The following ANKS1A variants were observed in gnomAD, a reference collection of about 807,000 sequenced individuals.
ANKS1A encodes ankyrin repeat and sterile alpha motif domain containing 1A, also known as ankyrin repeat and SAM domain-containing protein 1A.
Under a neutral mutation model 120.3 loss-of-function variants are expected in ANKS1A, and 55 were observed. The ratio of observed to expected loss-of-function variants is 0.46; its 90% CI spans 0.37 to 0.57. The LOEUF is 0.57. Ranked by LOEUF, ANKS1A falls within the 20% of genes least tolerant of loss-of-function variation. The pLI, the probability that ANKS1A is intolerant of heterozygous loss-of-function variation, is 0.00. For synonymous variants in ANKS1A, 590 were observed against 604.7 expected, an observed-to-expected ratio of 0.98 and a Z score of 0.36; for missense variants, 1,123 against 1,480.3, an observed-to-expected ratio of 0.76 and a Z score of 3.96.
chr6:35,061,059 G>C (rs1016613478), intron 13 of ANKS1A, among the ~76,000 whole-genome samples: 3 of 152,218 alleles, frequency 2.0e-5, no homozygotes, highest in Non-Finnish European at 4.4e-5. Flanking sequence ...AGCGCTTACT[G>C]TGTGCTTGGC....
chr6:35,039,859 C>T (rs12202483), intron 11 of ANKS1A, among the ~76,000 whole-genome samples: 27,623 of 152,194 alleles, frequency 0.18, 2,691 homozygotes, highest in Non-Finnish European at 0.22. Flanking sequence ...ATGTTTATTT[C>T]TCATAGTTCT....
downstream of ANKS1A, chr6:35,091,543 C>CTGTT (rs1347441474): frequency 1.6e-5 from 9 of 566,412 alleles, no homozygotes; most frequent in East Asian, 2.9e-4. Context: ...GACAGCTTGG[C>CTGTT]TGTTTGGCTT....
Position 34,889,346 on chromosome 6 carries a change from C to T in ANKS1A, c.-57C>T. The T allele has an allele frequency of 2.4e-6, 3 of 1,236,754 alleles. No homozygotes were observed. Among genetic ancestry groups the T allele is most frequent in the Non-Finnish European group, 3.0e-6 (3 of 991,042 alleles). 76.6% of individuals were successfully genotyped at this position (1,236,754 alleles called of 1,614,324 possible). On this transcript the variant is annotated 5_prime_UTR_variant, in exon 1 of 24. Transcript: ENST00000360359. This position sits in a 1 kb window ranked among gnomAD's most constrained non-coding sequence, Gnocchi z 5.5. ...GCCCGGAGACGGAAAGTTTGGGAGCCCGAGCAGGCTCGGCTGCAGCCTCGG... is the reference window on the plus strand; with the variant it reads ...GCCCGGAGACGGAAAGTTTGGGAGCTCGAGCAGGCTCGGCTGCAGCCTCGG...
intron 8 of ANKS1A, among the ~76,000 whole-genome samples, chr6:34,988,408 A>T (rs1772324909): frequency 6.6e-6 from 1 of 152,192 alleles, no homozygotes; most frequent in Non-Finnish European, 1.5e-5. Flanking sequence ...CATCCTGGGT[A>T]ACATGGTGAA....
intron 10 of ANKS1A, among the ~76,000 whole-genome samples, chr6:34,997,767 G>A (rs549291383): frequency 6.6e-6 from 1 of 152,308 alleles, no homozygotes; most frequent in East Asian, 1.9e-4. Flanking sequence ...AAGAAAAGTG[G>A]AAAGTTAGAC....
intron 1 of ANKS1A, among the ~76,000 whole-genome samples, chr6:34,931,712 TAGC>T (rs903141001): frequency 2.0e-5 from 3 of 152,128 alleles, no homozygotes; most frequent in African/African-American, 7.2e-5. Flanking sequence ...CCAATTTGTG[TAGC>T]ACTCTTTCCT....
At chr6:35,008,179 CAATT>C (rs1312901033) in intron 10 of ANKS1A, among the ~76,000 whole-genome samples, 9 of 152,134 alleles carry the variant, frequency 5.9e-5, no homozygotes. Flanking sequence ...GACAGTTTGA[CAATT>C]AAGCCTTAAC....
chr6:35,084,161 C>T lies in ANKS1A; in HGVS notation c.3035C>T (p.Ala1012Val), dbSNP rs1444063023. 8.7e-6 allele frequency: 14 copies of T among 1,614,166 alleles called. No individual in the cohort carries two copies. Among genetic ancestry groups the T allele is most frequent in the Non-Finnish European group, 1.1e-5 (13 of 1,180,034 alleles). ...AEHEIRNISC[A>V]AQDPEDLCTF... ...CACGAGATCCGGAACATTTCCTGTG[C>T]GGCCCAGGACCCGGAGGACCTCTGT... The change falls in exon 21 of 24, where the codon GCG becomes GTG. Residue 1012 changes from alanine to valine, a missense_variant. Physicochemically the swap from Ala to Val is moderately conservative, Grantham distance 64. Coordinates refer to ENST00000360359, the MANE Select transcript of ANKS1A (RefSeq NM_015245.3). This position sits in a 1 kb window ranked among gnomAD's most constrained non-coding sequence, Gnocchi z 4.8.
chr6:35,052,688 G>A (rs1411357504), intron 11 of ANKS1A, among the ~76,000 whole-genome samples: 1 of 150,720 alleles, frequency 6.6e-6, no homozygotes, highest in Non-Finnish European at 1.5e-5. Flanking sequence ...AGTTTCCCTT[G>A]TATCATGCTG....
In ANKS1A at chr6:34,966,457, A is replaced by T. The variant is rs1039054827; in HGVS notation, c.198-782A>T. On this transcript the variant is annotated intron_variant, in intron 1 of 23. Coordinates refer to ENST00000360359, the MANE Select transcript of ANKS1A (RefSeq NM_015245.3). Reference sequence around the variant, plus strand: ...ACCTCAAACCATTAGAGGCATTCTCATTAGAAGCAGGAACAAAACAAGTTT... The same window carrying T: ...ACCTCAAACCATTAGAGGCATTCTCTTTAGAAGCAGGAACAAAACAAGTTT... 3.3e-5 allele frequency among the ~76,000 whole-genome samples: 5 copies of T among 152,346 alleles called. No homozygotes were observed. In the East Asian group the frequency reaches 5.8e-4, roughly 18 times the overall value.
chr6:35,054,116 T>A lies in ANKS1A; in HGVS notation c.2028T>A (p.Ser676Arg). 1 of 1,613,850 alleles carries A rather than the reference T, an allele frequency of 6.2e-7. No homozygotes were observed. Among genetic ancestry groups the A allele is most frequent in the South Asian group, 1.1e-5 (1 of 91,068 alleles). Reference sequence around the variant, plus strand: ...CATTTCAGATTGAGAAAATCATGAGTTCTATTGGAGAAGGGATTGACTTTT... The same window carrying A: ...CATTTCAGATTGAGAAAATCATGAGATCTATTGGAGAAGGGATTGACTTTT... ...SEWDEIEKIM[S>R]SIGEGIDFSQ... The change falls in exon 12 of 24, where the codon AGT becomes AGA. Residue 676 changes from serine to arginine, a missense_variant. By Grantham distance (110) the Ser-to-Arg change is moderately radical. Transcript: ENST00000360359.
At chr6:35,029,176 T>C (rs1774774549) in intron 11 of ANKS1A, among the ~76,000 whole-genome samples, 1 of 152,108 alleles carries the variant, frequency 6.6e-6, no homozygotes, top group Non-Finnish European at 1.5e-5. Flanking sequence ...ACGTTGTTAT[T>C]GAATTGATCT....
At chr6:34,980,385 G>A (rs888569905) in intron 3 of ANKS1A, among the ~76,000 whole-genome samples, 1 of 152,168 alleles carries the variant, frequency 6.6e-6, no homozygotes, top group Non-Finnish European at 1.5e-5. Context: ...CACCTTTTGG[G>A]GAGTTGTTCC....
chr6:35,013,568 T>C (rs1773868570), intron 10 of ANKS1A, among the ~76,000 whole-genome samples: 1 of 152,196 alleles, frequency 6.6e-6, no homozygotes, highest in African/African-American at 2.4e-5. Context: ...GCGTTGGGAT[T>C]ACAGGCGTGA....
intron 11 of ANKS1A, among the ~76,000 whole-genome samples, chr6:35,053,051 G>A (rs1429230954): frequency 2.0e-5 from 3 of 152,204 alleles, no homozygotes; most frequent in Non-Finnish European, 2.9e-5. Context: ...TCTGCTGGGT[G>A]TCAGATGCAC....
At chr6:34,914,241 T>C (rs535778742) in intron 1 of ANKS1A, among the ~76,000 whole-genome samples, 13 of 152,298 alleles carry the variant, frequency 8.5e-5, no homozygotes, top group African/African-American at 2.9e-4. Flanking sequence ...GAATCTAAAA[T>C]TGATCAATCA....
chr6:34,990,693 C>G (rs919144139), intron 9 of ANKS1A, among the ~76,000 whole-genome samples: 6 of 152,054 alleles, frequency 3.9e-5, no homozygotes, highest in Admixed American at 2.6e-4. Flanking sequence ...TTCAATGTGG[C>G]AATAACACAG....
chr6:35,007,441 ATCATCATACAGG>A (rs1773521944), intron 10 of ANKS1A, among the ~76,000 whole-genome samples: 1 of 152,276 alleles, frequency 6.6e-6, no homozygotes, highest in Admixed American at 6.5e-5. Flanking sequence ...GTCTTCTGAA[ATCATCATACAGG>A]GCAAGCATAA....
At chr6:34,950,104 C>T (rs530320094) in intron 1 of ANKS1A, among the ~76,000 whole-genome samples, 1 of 152,144 alleles carries the variant, frequency 6.6e-6, no homozygotes, top group African/African-American at 2.4e-5. Flanking sequence ...TCCTTGAATC[C>T]AGGAGCTTGA....
Sources: gnomAD v4.1 joint callset for allele counts (sites outside exome capture counted in the v4.1 genomes callset) on GRCh38, gnomAD v4.1.1 for gene constraint, Gnocchi (gnomAD v3.1) non-coding constraint, MANE v1.5 for transcripts, NCBI Gene and HGNC (gene_info 2026-07-23, HGNC 2026-07-21) for gene names.